GRAMD1B: variants seen among roughly 807,000 people sequenced by gnomAD.
GRAMD1B encodes the protein GRAM domain containing 1B.
In GRAMD1B, 37 loss-of-function variants were observed where a neutral mutation model predicts 99.7. That is an observed-to-expected ratio of 0.37 (90% confidence interval 0.29 to 0.49). GRAMD1B has a LOEUF of 0.49. Ranked by LOEUF, GRAMD1B falls within the 20% of genes least tolerant of loss-of-function variation. GRAMD1B has a pLI of 0.98. For synonymous variants in GRAMD1B, 427 were observed against 387.6 expected, an observed-to-expected ratio of 1.10 and a Z score of -1.19; for missense variants, 888 against 1,009.2, an observed-to-expected ratio of 0.88 and a Z score of 1.63.
At chr11:123,415,095 C>CTTTTTTTTTTTTTTTTTTT (rs1175202539) in intron 1 of GRAMD1B, among the ~76,000 whole-genome samples, 1 of 75,816 alleles carries the variant, frequency 1.3e-5, no homozygotes, top group Non-Finnish European at 2.4e-5. Flanking sequence ...CTTTTTCTTT[C>CTTTTTTTTTTTTTTTTTTT]TTTTTTTTTT....
At chr11:123,481,293 G>A (rs1057454621) in intron 2 of GRAMD1B, among the ~76,000 whole-genome samples, 13 of 152,012 alleles carry the variant, frequency 8.6e-5, no homozygotes, top group African/African-American at 3.1e-4. Context: ...CATCTCTACT[G>A]AAACTACAAA....
chr11:123,612,635 C>T, intron 14 of GRAMD1B, 126 bp from the exon 15 acceptor site: 2 of 705,692 alleles, frequency 2.8e-6, no homozygotes, highest in Admixed American at 2.0e-5. Flanking sequence ...TGTGGAAGGA[C>T]CTTTTAACTT....
intron 2 of GRAMD1B, among the ~76,000 whole-genome samples, chr11:123,539,320 G>A (rs1034934036): frequency 6.6e-6 from 1 of 152,068 alleles, no homozygotes; most frequent in Admixed American, 6.6e-5. Context: ...CCTGAATTTG[G>A]GTTAAATGTG....
chr11:123,396,720 G>A (rs1488434541), intron 1 of GRAMD1B, among the ~76,000 whole-genome samples: 1 of 152,218 alleles, frequency 6.6e-6, no homozygotes, highest in African/African-American at 2.4e-5. Context: ...TGGTTTGCAA[G>A]AATATCTTGG....
intron 2 of GRAMD1B, among the ~76,000 whole-genome samples, chr11:123,555,320 T>C (rs1383212554): frequency 6.6e-6 from 1 of 152,116 alleles, no homozygotes; most frequent in Non-Finnish European, 1.5e-5. Flanking sequence ...TTTATGGAAG[T>C]AGCATGGTAT....
chr11:123,574,363 A>G (rs1308918939), intron 2 of GRAMD1B, among the ~76,000 whole-genome samples: 1 of 152,152 alleles, frequency 6.6e-6, no homozygotes, highest in East Asian at 1.9e-4. Flanking sequence ...ACACAGTAAG[A>G]TGTTGGGCTT....
intron 3 of GRAMD1B, among the ~76,000 whole-genome samples, chr11:123,578,631 C>T (rs1003540861): frequency 2.6e-5 from 4 of 152,142 alleles, no homozygotes; most frequent in African/African-American, 9.7e-5. Context: ...CACCTGATGT[C>T]GGAGAACAGA....
In GRAMD1B at chr11:123,545,750, CTT is replaced by C. The variant is rs11335878; in HGVS notation, c.453-31608_453-31607del. 6.2e-3 allele frequency among the ~76,000 whole-genome samples: 941 copies of C among 151,638 alleles called. 9 individuals are homozygous for C. The highest frequency in any genetic ancestry group is 0.018 in the African/African-American group (739 of 41,348). ...ATGTAAGTTTTCATGAAATCTTTCT[CTT>C]TTTTTTTTGGTAAACTAACTGGTCA... On this transcript the variant is annotated intron_variant, in intron 2 of 19. Coordinates refer to ENST00000635736, the MANE Select transcript of GRAMD1B (RefSeq NM_001387025.1).
chr11:123,394,341 G>A (rs1363912211), intron 1 of GRAMD1B, among the ~76,000 whole-genome samples: 1 of 152,176 alleles, frequency 6.6e-6, no homozygotes, highest in Non-Finnish European at 1.5e-5. Flanking sequence ...ACCATTTTGT[G>A]TCTCTCAAAC....
At chr11:123,386,058 G>A (rs188949464) in intron 1 of GRAMD1B, among the ~76,000 whole-genome samples, 1 of 152,314 alleles carries the variant, frequency 6.6e-6, no homozygotes, top group African/African-American at 2.4e-5. Flanking sequence ...TGACAGATTT[G>A]AGTTGGAATT....
chr11:123,511,661 G>A (rs1346247377), intron 2 of GRAMD1B, among the ~76,000 whole-genome samples: 1 of 152,142 alleles, frequency 6.6e-6, no homozygotes, highest in Non-Finnish European at 1.5e-5. Context: ...AGATGGCAGG[G>A]TCTCCTTTCT....
intron 1 of GRAMD1B, among the ~76,000 whole-genome samples, chr11:123,464,324 A>G (rs913341626): frequency 6.6e-6 from 1 of 151,846 alleles, no homozygotes; most frequent in Non-Finnish European, 1.5e-5. Flanking sequence ...AGTAATAATG[A>G]TAATAATAAT....
intron 1 of GRAMD1B, among the ~76,000 whole-genome samples, chr11:123,377,138 ATTC>A (rs1779941356): frequency 6.6e-6 from 1 of 152,202 alleles, no homozygotes; most frequent in Non-Finnish European, 1.5e-5. Flanking sequence ...CAGCTTCTGA[ATTC>A]TTCTGACAGT....
At chr11:123,603,339 C>T in intron 8 of GRAMD1B, 87 bp from the exon 9 acceptor site, 1 of 795,924 alleles carries the variant, frequency 1.3e-6, no homozygotes, top group South Asian at 1.5e-5. Context: ...TCCTCTTCTC[C>T]AGGGGAACCA....
chr11:123,612,819 G>A lies in GRAMD1B; in HGVS notation c.1978G>A (p.Glu660Lys), dbSNP rs747239385. ...QPWGLVKTFI[E>K]KNFWSGLEDY... Reference sequence around the variant, plus strand: ...CTGGGGGTTAGTGAAAACGTTCATCGAGAAGAACTTCTGGAGTGGGCTGGA... The same window carrying A: ...CTGGGGGTTAGTGAAAACGTTCATCAAGAAGAACTTCTGGAGTGGGCTGGA... The change falls in exon 15 of 20, where the codon GAG (glutamate) becomes AAG (lysine). Residue 660 changes from glutamate to lysine, a missense_variant. Around this residue, in one of 5 missense-constraint regions of GRAMD1B, gnomAD observed 92 missense variants for 156.9 expected, o/e 0.59. Coordinates refer to ENST00000635736, the MANE Select transcript of GRAMD1B (RefSeq NM_001387025.1). 2 of 1,612,282 alleles carry A rather than the reference G, an allele frequency of 1.2e-6. No individual in the cohort carries two copies. Among genetic ancestry groups the A allele is most frequent in the South Asian group, 1.1e-5 (1 of 90,786 alleles).
intron 4 of GRAMD1B, among the ~76,000 whole-genome samples, chr11:123,585,883 C>T (rs1478300493): frequency 6.6e-6 from 1 of 152,208 alleles, no homozygotes; most frequent in African/African-American, 2.4e-5. Context: ...CTTTTTATTG[C>T]TCTTTAGCTC....
intron 1 of GRAMD1B, among the ~76,000 whole-genome samples, chr11:123,431,653 T>C (rs1948896511): frequency 6.6e-6 from 1 of 152,248 alleles, no homozygotes; most frequent in Non-Finnish European, 1.5e-5. Context: ...TTCAATCTTA[T>C]TTTATGTTTG....
exon 1 of GRAMD1B, chr11:123,358,731 C>T (rs939433713): frequency 5.9e-5 from 9 of 152,576 alleles, no homozygotes; most frequent in Admixed American, 5.2e-4. Flanking sequence ...GCTGGTGTGC[C>T]GTGGACGCCG....
chr11:123,551,573 C>A (rs112538208), intron 2 of GRAMD1B, among the ~76,000 whole-genome samples: 1 of 152,104 alleles, frequency 6.6e-6, no homozygotes, highest in Non-Finnish European at 1.5e-5. Flanking sequence ...TGGTGGCTTG[C>A]GGTGGTGGAA....
Sources: gnomAD v4.1 joint callset for allele counts (sites outside exome capture counted in the v4.1 genomes callset) on GRCh38, gnomAD v4.1.1 for gene constraint, gnomAD v4.1.1 regional missense constraint, MANE v1.5 for transcripts, NCBI Gene and HGNC (gene_info 2026-07-23, HGNC 2026-07-21) for gene names.